The following HTR2C variants were observed in gnomAD, a reference collection of about 807,000 sequenced individuals.
HTR2C encodes the protein 5-hydroxytryptamine receptor 2C, also known as 5-hydroxytryptamine (serotonin) receptor 2C, G protein-coupled.
Under a neutral mutation model 21.0 loss-of-function variants are expected in HTR2C, and 5 were observed. That is an observed-to-expected ratio of 0.24 (90% CI 0.12 to 0.50). The LOEUF is 0.50. Ranked by LOEUF, HTR2C falls within the 20% of genes least tolerant of loss-of-function variation. HTR2C has a pLI of 0.98. For missense variants in HTR2C, 271 were observed against 371.2 expected, an observed-to-expected ratio of 0.73 and a Z score of 2.22; for synonymous variants, 150 against 145.3, an observed-to-expected ratio of 1.03 and a Z score of -0.23.
At chrX:114,626,402 GAA>G (rs1164019760) in intron 2 of HTR2C, among the ~76,000 whole-genome samples, 2 of 2,365 alleles carry the variant, frequency 8.5e-4, no homozygotes, top group Non-Finnish European at 1.9e-3. Flanking sequence ...AAAAAAAAAA[GAA>G]AAAAAGAAAG....
At chrX:114,791,189 A>G (rs1556443466) in intron 4 of HTR2C, among the ~76,000 whole-genome samples, 1 of 112,688 alleles carries the variant, frequency 8.9e-6, no homozygotes, top group Admixed American at 9.4e-5. Flanking sequence ...ATTCAATCAT[A>G]TTATAGAATT....
chrX:114,716,787 T>A (rs930301808), intron 2 of HTR2C, among the ~76,000 whole-genome samples: 1 of 111,615 alleles, frequency 9.0e-6, no homozygotes, highest in Non-Finnish European at 1.9e-5. Context: ...GTCCTAAGGA[T>A]AATTTTTGAA....
intron 4 of HTR2C, among the ~76,000 whole-genome samples, chrX:114,738,306 G>A (rs1422611670): frequency 9.0e-6 from 1 of 111,570 alleles, no homozygotes; most frequent in African/African-American, 3.3e-5. Context: ...ATGTATGTTA[G>A]GTGGTGGATA....
intron 5 of HTR2C, among the ~76,000 whole-genome samples, chrX:114,879,381 T>C (rs1434110536): frequency 9.1e-6 from 1 of 110,468 alleles, no homozygotes; most frequent in Non-Finnish European, 1.9e-5. Context: ...TAAAATATAT[T>C]GTATGTGAGG....
At chrX:114,611,975 G>T (rs782315812) in intron 1 of HTR2C, among the ~76,000 whole-genome samples, 2 of 112,087 alleles carry the variant, frequency 1.8e-5, no homozygotes, top group African/African-American at 6.5e-5. Flanking sequence ...GGGATTACAG[G>T]TGTGAGCCAC....
At chrX:114,757,093 G>A (rs1345655252) in intron 4 of HTR2C, among the ~76,000 whole-genome samples, 1 of 110,191 alleles carries the variant, frequency 9.1e-6, no homozygotes, top group African/African-American at 3.3e-5. Context: ...TTATTTAAAT[G>A]TTGGCAGCAG....
intron 4 of HTR2C, among the ~76,000 whole-genome samples, chrX:114,824,248 A>G (rs1276251385): frequency 9.0e-6 from 1 of 111,730 alleles, no homozygotes; most frequent in Non-Finnish European, 1.9e-5. Context: ...TTCTGTCAAA[A>G]GCAAGGTGAT....
chrX:114,682,060 T>C (rs182702186), intron 2 of HTR2C, among the ~76,000 whole-genome samples: 281 of 111,643 alleles, frequency 2.5e-3, no homozygotes, highest in African/African-American at 8.4e-3. Context: ...TATTTTTAAA[T>C]AAGTTTTGCC....
intron 5 of HTR2C, among the ~76,000 whole-genome samples, chrX:114,900,900 GTCT>G (rs1194551221): frequency 4.5e-5 from 5 of 111,995 alleles, no homozygotes; most frequent in Middle Eastern, 4.6e-3. Flanking sequence ...TGTTGCGGAT[GTCT>G]TCTTCAGAAC....
intron 5 of HTR2C, among the ~76,000 whole-genome samples, chrX:114,852,100 T>C (rs2070922800): frequency 9.0e-6 from 1 of 111,223 alleles, no homozygotes; most frequent in Non-Finnish European, 1.9e-5. Flanking sequence ...TGTTTAAAAT[T>C]TCATTGCAAT....
intron 4 of HTR2C, among the ~76,000 whole-genome samples, chrX:114,756,300 A>G (rs1556430237): frequency 8.9e-6 from 1 of 111,822 alleles, no homozygotes; most frequent in African/African-American, 3.3e-5. Flanking sequence ...GTTTATTACA[A>G]ACCTAAACAA....
intron 2 of HTR2C, among the ~76,000 whole-genome samples, chrX:114,630,264 G>A: frequency 9.0e-6 from 1 of 111,160 alleles, no homozygotes; most frequent in Admixed American, 9.6e-5. Context: ...CTTTTGTAAG[G>A]GGAAATTATA....
rs1203370586 is a variant in HTR2C at position 114,771,878 on chromosome X, G to A, written c.349+40271G>A. On this transcript the variant is annotated intron_variant, in intron 4 of 5. Transcript: ENST00000276198. ...TAGCCCAATTACCTGGGAATAATGT[G>A]TTTCAAAGGAATTATTGTAAATATT... 3.6e-5 allele frequency among the ~76,000 whole-genome samples: 4 copies of A among 112,080 alleles called. No individual in the cohort carries two copies. In the Admixed American group the frequency reaches 3.8e-4, roughly 11 times the overall value.
intron 4 of HTR2C, among the ~76,000 whole-genome samples, chrX:114,819,122 A>G (rs2070609811): frequency 8.9e-6 from 1 of 111,974 alleles, no homozygotes; most frequent in South Asian, 3.6e-4. Context: ...TTTAACAACT[A>G]AATATTTATT....
chrX:114,780,696 T>C (rs1297055316), intron 4 of HTR2C, among the ~76,000 whole-genome samples: 1 of 111,548 alleles, frequency 9.0e-6, no homozygotes, highest in Non-Finnish European at 1.9e-5. Context: ...GCTATAAATT[T>C]TGTTGATAAT....
chrX:114,668,124 A>C (rs945787111), intron 2 of HTR2C, among the ~76,000 whole-genome samples: 1 of 111,611 alleles, frequency 9.0e-6, no homozygotes, highest in African/African-American at 3.3e-5. Flanking sequence ...AAGCCAAGTA[A>C]AAAATGGAAG....
intron 4 of HTR2C, among the ~76,000 whole-genome samples, chrX:114,819,894 A>C (rs1290399939): frequency 8.9e-6 from 1 of 112,400 alleles, no homozygotes; most frequent in Non-Finnish European, 1.9e-5. Flanking sequence ...TAAGTGCAGG[A>C]ATGTGTGATT....
At chrX:114,623,465 G>A (rs6655330) in intron 2 of HTR2C, among the ~76,000 whole-genome samples, 2,589 of 112,178 alleles carry the variant, frequency 0.023, 82 homozygotes, top group African/African-American at 0.079. Flanking sequence ...TAAAGTTTCT[G>A]GCATACAGAA....
rs782811745 is a variant in HTR2C at position 114,671,357 on chromosome X, C to T, written c.-79-55501C>T. ...GAAATATAGTTATATGCCTTGTTTT[C>T]AGATCCCAGATGCCTGATCTCCAGA... is the stretch of plus-strand genomic sequence containing the variant. On this transcript the variant is annotated intron_variant, in intron 2 of 5. Transcript: ENST00000276198. Among the ~76,000 whole-genome samples the T allele has an allele frequency of 7.1e-5, 8 of 111,988 alleles. No individual in the cohort carries two copies. In the South Asian group the frequency reaches 1.1e-3, roughly 15 times the overall value.
Sources: allele counts gnomAD v4.1 joint callset (sites outside exome capture counted in the v4.1 genomes callset), GRCh38; gene constraint gnomAD v4.1.1; transcripts MANE v1.5; gene names NCBI Gene and HGNC (gene_info 2026-07-23, HGNC 2026-07-21).